CTNNAL1: variants seen among roughly 807,000 people sequenced by gnomAD.
The protein encoded by CTNNAL1 is catenin alpha like 1.
CTNNAL1 carries 69 observed loss-of-function variants against 93.6 expected under a neutral mutation model. The ratio of observed to expected loss-of-function variants is 0.74; its 90% confidence interval spans 0.61 to 0.90. The LOEUF (loss-of-function observed/expected upper bound fraction) is 0.90, where lower values mean the gene tolerates loss of function less well. CTNNAL1 is among the 40% of genes least tolerant of loss of function. The probability of loss-of-function intolerance (pLI) is 0.00; values close to 1 mark genes in which losing one functional copy is unlikely to be tolerated. For synonymous variants in CTNNAL1, 286 were observed against 305.4 expected, an observed-to-expected ratio of 0.94 and a Z score of 0.66; for missense variants, 836 against 862.0, an observed-to-expected ratio of 0.97 and a Z score of 0.38.
intron 4 of CTNNAL1, among the ~76,000 whole-genome samples, chr9:108,985,785 T>C (rs1042824477): frequency 6.6e-6 from 1 of 152,106 alleles, no homozygotes; most frequent in Admixed American, 6.6e-5. Context: ...TAGCTGACAA[T>C]GCATCAAGTG....
intron 8 of CTNNAL1, among the ~76,000 whole-genome samples, chr9:108,975,397 G>A (rs1487483202): frequency 1.3e-5 from 2 of 152,062 alleles, no homozygotes; most frequent in South Asian, 2.1e-4. Flanking sequence ...ATGAGAGTGA[G>A]AGTCCACTGT....
chr9:108,972,553 T>C (rs1831143549), intron 9 of CTNNAL1, 122 bp downstream of exon 9: 2 of 846,736 alleles, frequency 2.4e-6, no homozygotes, highest in African/African-American at 3.4e-5. Flanking sequence ...GCTTTTAAGA[T>C]GCCAAAGGAG....
At chr9:108,943,933 C>G (rs1318098787) in intron 16 of CTNNAL1, 29 bp downstream of exon 16, 2 of 1,609,792 alleles carry the variant, frequency 1.2e-6, no homozygotes, top group East Asian at 2.2e-5. Context: ...AATACCACCA[C>G]CAGCTCCAGG....
At chr9:108,985,293 C>T (rs909204275) in intron 4 of CTNNAL1, among the ~76,000 whole-genome samples, 5 of 152,182 alleles carry the variant, frequency 3.3e-5, no homozygotes, top group Non-Finnish European at 7.4e-5. Context: ...AGAGACAATA[C>T]ACAAATAAAT....
intron 2 of CTNNAL1, among the ~76,000 whole-genome samples, chr9:108,997,124 A>T (rs1009147196): frequency 3.9e-5 from 6 of 152,210 alleles, no homozygotes. Context: ...GAATAAGGAT[A>T]TCCCCCCCTG....
At chr9:109,008,888 T>C (rs1827121444) in intron 1 of CTNNAL1, among the ~76,000 whole-genome samples, 1 of 132,520 alleles carries the variant, frequency 7.5e-6, no homozygotes, top group Non-Finnish European at 1.6e-5. Context: ...TTTTTTTTTT[T>C]TTTTTTTTTT....
At chr9:108,986,404 C>A (rs1223097152) in intron 4 of CTNNAL1, among the ~76,000 whole-genome samples, 1 of 148,938 alleles carries the variant, frequency 6.7e-6, no homozygotes, top group African/African-American at 2.5e-5. Context: ...ATATGTGCCA[C>A]ATTTTCTTAA....
intron 10 of CTNNAL1, among the ~76,000 whole-genome samples, chr9:108,968,649 A>T (rs1470528537): frequency 6.6e-6 from 1 of 152,200 alleles, no homozygotes; most frequent in African/African-American, 2.4e-5. Context: ...ATCATTGTGG[A>T]GGTTCATTCA....
chr9:108,977,541 C>G (rs1366794819), intron 7 of CTNNAL1: 1 of 152,144 alleles, frequency 6.6e-6, no homozygotes, highest in African/African-American at 2.4e-5. Context: ...CCATAATCGT[C>G]CCAGTTTGCA....
At chr9:108,998,154 C>T (rs1475651551) in intron 2 of CTNNAL1, among the ~76,000 whole-genome samples, 1 of 152,148 alleles carries the variant, frequency 6.6e-6, no homozygotes, top group Non-Finnish European at 1.5e-5. Flanking sequence ...CATTTTTACC[C>T]CTCACGGGAC....
chr9:108,949,487 C>G (rs142008654), intron 14 of CTNNAL1, among the ~76,000 whole-genome samples: 9 of 152,324 alleles, frequency 5.9e-5, no homozygotes, highest in Non-Finnish European at 8.8e-5. Context: ...GTGGGCAGAT[C>G]ACTTGAGGTC....
At chr9:108,979,600 G>A in intron 6 of CTNNAL1, 119 bp from the exon 7 acceptor site, 1 of 892,078 alleles carries the variant, frequency 1.1e-6, no homozygotes, top group Non-Finnish European at 1.7e-6. Context: ...CCCAAGCTGA[G>A]GGGAAATACA....
intron 4 of CTNNAL1, among the ~76,000 whole-genome samples, chr9:108,988,339 C>T (rs1831678626): frequency 1.3e-5 from 2 of 152,200 alleles, no homozygotes; most frequent in Admixed American, 1.3e-4. Flanking sequence ...CCACCTCAGC[C>T]TCCCAAAGTG....
chr9:108,945,706 C>T (rs988097349), intron 15 of CTNNAL1, among the ~76,000 whole-genome samples: 1 of 151,332 alleles, frequency 6.6e-6, no homozygotes, highest in African/African-American at 2.4e-5. Flanking sequence ...AACTCCTGGA[C>T]TCAAGTGATC....
Position 108,970,496 on chromosome 9 carries a change from T to C in CTNNAL1, c.1348-2A>G. 1.2e-6 allele frequency: 2 copies of C among 1,608,422 alleles called. No individual in the cohort carries two copies. Among genetic ancestry groups the C allele is most frequent in the Non-Finnish European group, 1.7e-6 (2 of 1,177,590 alleles). ...TATGTGTCGTAACAATCGACAGGTC[T>C]ACAAGACAATATGTCTACAGTTTAA... On this transcript the variant is annotated splice_acceptor_variant, in intron 9 of 18. Coordinates refer to ENST00000325551, the MANE Select transcript of CTNNAL1 (RefSeq NM_003798.4). LOFTEE classifies it high-confidence loss of function.
Position 108,984,435 on chromosome 9 carries a change from T to A in CTNNAL1, c.641A>T (p.Asp214Val). ...FAHLSGDRQN[D>V]LKDEKKKAKM... ...TGCCTTTTTCTTTTCATCTTTCAAA[T>A]CCTAAATATGAAATAAAATCACGGA... is the stretch of plus-strand genomic sequence containing the variant. Residue 214 changes from aspartate (D) to valine (V), a missense_variant and splice_region_variant, in exon 5 of 19, where the codon GAT (aspartate) becomes GTT (valine). Physicochemically the swap from Asp to Val is radical, Grantham distance 152. Transcript: ENST00000325551. 2 of 1,586,490 alleles carry A rather than the reference T, an allele frequency of 1.3e-6. No individual in the cohort carries two copies. Among genetic ancestry groups the A allele is most frequent in the East Asian group, 2.2e-5 (1 of 44,692 alleles).
chr9:108,949,719 C>T (rs1015717447), intron 14 of CTNNAL1, among the ~76,000 whole-genome samples: 2 of 152,164 alleles, frequency 1.3e-5, no homozygotes, highest in Non-Finnish European at 2.9e-5. Flanking sequence ...TGGCACACAA[C>T]TGTAATCCCA....
In CTNNAL1 at chr9:108,942,780, T is replaced by C. The variant is rs1467470243; in HGVS notation, c.2194A>G (p.Ser732Gly). Reference protein sequence around the residue: ...VSVTNKDTMDSKT With the variant: ...VSVTNKDTMDGKT ...ACCCCAAAAGCTTCTCAAGTTTTAC[T>C]ATCCATAGTGTCCTTATTTGTAACT... Residue 732 changes from serine (S) to glycine (G), a missense_variant, in exon 19 of 19, where the codon AGT becomes GGT. Ser to Gly is a moderately conservative substitution (Grantham distance 56). Coordinates refer to ENST00000325551, the MANE Select transcript of CTNNAL1 (RefSeq NM_003798.4). The C allele has an allele frequency of 4.3e-6, 7 of 1,609,966 alleles. No individual in the cohort carries two copies. The highest frequency in any genetic ancestry group is 2.2e-5 in the South Asian group (2 of 90,712).
chr9:108,982,191 A>C (rs1315599869), intron 6 of CTNNAL1, among the ~76,000 whole-genome samples: 1 of 152,170 alleles, frequency 6.6e-6, no homozygotes, highest in Non-Finnish European at 1.5e-5. Context: ...CACACTGCCT[A>C]GTTTCAAATC....
Sources: gnomAD v4.1 joint callset for allele counts (sites outside exome capture counted in the v4.1 genomes callset) on GRCh38, gnomAD v4.1.1 for gene constraint, MANE v1.5 for transcripts, NCBI Gene and HGNC (gene_info 2026-07-23, HGNC 2026-07-21) for gene names.